SETX: variants seen among roughly 807,000 people sequenced by gnomAD.
The protein encoded by SETX is senataxin, also known as helicase senataxin.
SETX carries 90 observed loss-of-function variants against 227.2 expected under a neutral mutation model. That is an observed-to-expected ratio of 0.40 (90% CI 0.33 to 0.47). The LOEUF (loss-of-function observed/expected upper bound fraction) is 0.47, where lower values mean the gene tolerates loss of function less well. SETX is among the 20% of genes least tolerant of loss of function. The pLI, the probability that SETX is intolerant of heterozygous loss-of-function variation, is 0.91. For synonymous variants in SETX, 1,210 were observed against 1,113.2 expected (o/e 1.09, Z -1.73); for missense variants, 3,052 against 3,181.5 (o/e 0.96, Z 0.98).
At chr9:132,309,000 T>C (rs143358229) in intron 11 of SETX, among the ~76,000 whole-genome samples, 36 of 152,138 alleles carry the variant, frequency 2.4e-4, no homozygotes, top group South Asian at 1.5e-3. Context: ...TTGCCAGGCA[T>C]AGTGGTGCAC....
intron 15 of SETX, 131 bp downstream of exon 15, chr9:132,295,739 AAT>A: frequency 1.2e-6 from 1 of 856,108 alleles, no homozygotes; most frequent in African/African-American, 1.7e-5. Context: ...ATACTTGCTA[AAT>A]GAACTCACAA....
Position 132,326,865 on chromosome 9 carries a change from A to C in SETX, c.4733T>G (p.Val1578Gly). 6.2e-7 allele frequency: 1 copy of C among 1,614,226 alleles called. No individual in the cohort carries two copies. Among genetic ancestry groups the C allele is most frequent in the Non-Finnish European group, 8.5e-7 (1 of 1,180,038 alleles). Residue 1578 changes from valine to glycine, a missense_variant, in exon 10 of 26, where the codon GTA becomes GGA. Around this residue, in one of 10 missense-constraint regions of SETX, gnomAD observed 1,483 missense variants for 1,312.0 expected, o/e 1.13. Transcript: ENST00000224140. ...AGGAGGCAAGCCAGGTTTACGAAAT[A>C]CATCTTCATCTGCTGCTTTCACTTC... Reference protein sequence around the residue: ...HSEVKAADEDVFRKPGLPPPA... With the variant: ...HSEVKAADEDGFRKPGLPPPA...
intron 5 of SETX, among the ~76,000 whole-genome samples, chr9:132,336,956 C>T (rs1847662395): frequency 6.6e-6 from 1 of 152,038 alleles, no homozygotes; most frequent in Non-Finnish European, 1.5e-5. Flanking sequence ...GTCCCAGCTA[C>T]TTGGGAGGCT....
At chr9:132,271,585 G>C in intron 24 of SETX, 125 bp downstream of exon 24, 1 of 833,990 alleles carries the variant, frequency 1.2e-6, no homozygotes, top group East Asian at 2.5e-5. Context: ...TATTACACAG[G>C]TTTTCACAAA....
At position 132,342,742 on chromosome 9, in the gene SETX, A is replaced by T. The variant is rs1589775141; in HGVS notation, c.446T>A (p.Val149Glu). 6.2e-7 allele frequency: 1 copy of T among 1,614,018 alleles called. No individual in the cohort carries two copies. Among genetic ancestry groups the T allele is most frequent in the African/African-American group, 1.3e-5 (1 of 74,940 alleles). The change falls in exon 5 of 26, where the codon GTG (valine) becomes GAG (glutamate). Residue 149 changes from valine to glutamate, a missense_variant. Coordinates refer to ENST00000224140, the MANE Select transcript of SETX (RefSeq NM_015046.7). ...RMEQANCSFQ[V>E]FDKHPGIYLF... is the part of the protein sequence containing the mutation. The stretch of plus-strand genomic sequence containing the variant: ...ATAGATCCCTGGATGTTTATCAAAC[A>T]CCTGAAAGGAGCAATTGGCTTGTTC...
At chr9:132,333,420 C>T (rs13289655) in intron 7 of SETX, among the ~76,000 whole-genome samples, 32,270 of 59,612 alleles carry the variant, frequency 0.54, 9,722 homozygotes, top group Non-Finnish European at 0.67. Flanking sequence ...TATATATACA[C>T]ACACACACAC....
intron 25 of SETX, among the ~76,000 whole-genome samples, chr9:132,268,468 T>A (rs145390342): frequency 1.2e-3 from 182 of 152,296 alleles, no homozygotes; most frequent in African/African-American, 4.1e-3. Flanking sequence ...GCCACTGCAC[T>A]CCCGCCAGGG....
chr9:132,331,695 G>A (rs1046867475), intron 7 of SETX, among the ~76,000 whole-genome samples: 8 of 151,750 alleles, frequency 5.3e-5, no homozygotes, highest in African/African-American at 1.9e-4. Context: ...AAATTTAGTG[G>A]CAAACAAATT....
At chr9:132,335,136 A>C (rs1847511246) in intron 6 of SETX, among the ~76,000 whole-genome samples, 1 of 151,994 alleles carries the variant, frequency 6.6e-6, no homozygotes, top group Admixed American at 6.6e-5. Context: ...CACACCTGTA[A>C]TCCCAGCACT....
upstream of SETX, among the ~76,000 whole-genome samples, chr9:132,356,151 G>A (rs991008668): frequency 1.3e-5 from 2 of 152,032 alleles, no homozygotes; most frequent in Non-Finnish European, 2.9e-5. Flanking sequence ...CCCTGTCTCA[G>A]AAAAGTCTAT....
intron 4 of SETX, among the ~76,000 whole-genome samples, chr9:132,344,066 T>C (rs909108149): frequency 2.6e-5 from 4 of 152,084 alleles, no homozygotes; most frequent in Non-Finnish European, 4.4e-5. Context: ...AGTCCTGCAG[T>C]TGGCCCTGAG....
Position 132,329,591 on chromosome 9 carries a change from A to C in SETX, c.2007T>G (p.Asn669Lys). ...TCACATCCTTTATATAATTTTGCTC[A>C]TTATTGTCACCTTCTATAGTGTTAT... is the stretch of plus-strand genomic sequence containing the variant. ...KADNTIEGDN[N>K]EQNYIKDVKL... Residue 669 changes from asparagine (N) to lysine (K), a missense_variant, in exon 10 of 26, where the codon AAT becomes AAG. By Grantham distance (94) the Asn-to-Lys change is moderately conservative. Around this residue, in one of 10 missense-constraint regions of SETX, gnomAD observed 1,483 missense variants for 1,312.0 expected, o/e 1.13. Coordinates refer to ENST00000224140, the MANE Select transcript of SETX (RefSeq NM_015046.7). 1.2e-6 allele frequency: 2 copies of C among 1,613,776 alleles called. No homozygotes were observed. The highest frequency in any genetic ancestry group is 2.2e-5 in the South Asian group (2 of 91,076).
At chr9:132,302,923 T>C (rs909114596) in intron 11 of SETX, among the ~76,000 whole-genome samples, 2 of 152,140 alleles carry the variant, frequency 1.3e-5, no homozygotes, top group African/African-American at 2.4e-5. Context: ...TTCCGACAAA[T>C]ATGCCAAGTT....
chr9:132,291,043 C>T (rs1239382423), intron 15 of SETX, among the ~76,000 whole-genome samples: 2 of 150,102 alleles, frequency 1.3e-5, no homozygotes, highest in Non-Finnish European at 3.0e-5. Flanking sequence ...ATAATAAATA[C>T]AATGATTATA....
intron 25 of SETX, among the ~76,000 whole-genome samples, chr9:132,266,601 G>A (rs1339588246): frequency 3.3e-5 from 5 of 152,024 alleles, no homozygotes; most frequent in African/African-American, 7.3e-5. Context: ...GTGAAACCCC[G>A]TCTCTACTAA....
intron 11 of SETX, among the ~76,000 whole-genome samples, chr9:132,303,948 C>A (rs1404689415): frequency 1.3e-5 from 2 of 152,092 alleles, no homozygotes; most frequent in Non-Finnish European, 2.9e-5. Flanking sequence ...ATGGTGAAAC[C>A]CTGTTTCTAC....
chr9:132,331,342 A>C lies in SETX; in HGVS notation c.945T>G (p.Phe315Leu). 1 of 1,614,092 alleles carries C rather than the reference A, an allele frequency of 6.2e-7. No individual in the cohort carries two copies. The highest frequency in any genetic ancestry group is 1.1e-5 in the South Asian group (1 of 91,068). Residue 315 changes from phenylalanine (F) to leucine (L), a missense_variant, in exon 8 of 26, where the codon TTT (phenylalanine) becomes TTG (leucine). Around this residue, in one of 10 missense-constraint regions of SETX, gnomAD observed 239 missense variants for 240.8 expected, o/e 0.99. Coordinates refer to ENST00000224140, the MANE Select transcript of SETX (RefSeq NM_015046.7). ...AGCTTGCGTTGTTGATAATGGTTTGAAATGCCACAATAGGATCCATAAGTT... is the reference window on the plus strand; with the variant it reads ...AGCTTGCGTTGTTGATAATGGTTTGCAATGCCACAATAGGATCCATAAGTT... ...WGQLMDPIVA[F>L]QTIINNASYN... is the part of the protein sequence containing the mutation.
At chr9:132,341,253 T>A (rs890844797) in intron 5 of SETX, among the ~76,000 whole-genome samples, 3 of 152,138 alleles carry the variant, frequency 2.0e-5, no homozygotes, top group Non-Finnish European at 4.4e-5. Flanking sequence ...AAATTTTTTT[T>A]AATAAACCAG....
chr9:132,342,718 T>C lies in SETX; in HGVS notation c.470A>G (p.Tyr157Cys), dbSNP rs775967851. 4 of 1,613,556 alleles carry C rather than the reference T, an allele frequency of 2.5e-6. No individual in the cohort carries two copies. The highest frequency in any genetic ancestry group is 3.4e-6 in the Non-Finnish European group (4 of 1,179,724). Residue 157 changes from tyrosine (Y) to cysteine (C), a missense_variant, in exon 5 of 26, where the codon TAT (tyrosine) becomes TGT (cysteine). By Grantham distance (194) the Tyr-to-Cys change is radical (BLOSUM62 -2). This residue lies in a region of SETX where 239 missense variants were observed against 240.8 expected (regional missense o/e 0.99). Transcript: ENST00000224140. ...FQVFDKHPGI[Y>C]LFLVHPNEMV... ...TTCATTGGGATGGACTAAAAACAAA[T>C]AGATCCCTGGATGTTTATCAAACAC...
Sources: allele counts gnomAD v4.1 joint callset (sites outside exome capture counted in the v4.1 genomes callset), GRCh38; gene constraint gnomAD v4.1.1; regional missense constraint gnomAD v4.1.1; transcripts MANE v1.5; gene names NCBI Gene and HGNC (gene_info 2026-07-23, HGNC 2026-07-21).